The following PRSS23 variants were observed in gnomAD, a reference collection of about 807,000 sequenced individuals.
The protein encoded by PRSS23 is serine protease 23, also known as protease, serine 23.
A neutral mutation model predicts 34.7 loss-of-function variants in PRSS23; 25 were observed. The observed-to-expected ratio is 0.72, with a 90% CI of 0.53 to 1.01. The LOEUF is 1.01. PRSS23 is among the 50% of genes least tolerant of loss of function. The pLI is 0.00. For synonymous variants in PRSS23, 176 were observed against 186.6 expected (o/e 0.94, Z 0.46); for missense variants, 445 against 475.6 (o/e 0.94, Z 0.60).
chr11:86,925,848 C>A (rs796596010), intron 2 of PRSS23, among the ~76,000 whole-genome samples: 1 of 152,090 alleles, frequency 6.6e-6, no homozygotes, highest in East Asian at 1.9e-4. Context: ...TCTTCAGTAA[C>A]GTTTTCATAG....
chr11:86,803,655 C>T (rs1948066203), intron 1 of PRSS23, among the ~76,000 whole-genome samples: 1 of 152,106 alleles, frequency 6.6e-6, no homozygotes, highest in Non-Finnish European at 1.5e-5. Flanking sequence ...GGTTGTTTCC[C>T]CCTCAGGCTT....
At chr11:86,818,293 T>C (rs1948227679) in intron 1 of PRSS23, among the ~76,000 whole-genome samples, 1 of 152,236 alleles carries the variant, frequency 6.6e-6, no homozygotes, top group African/African-American at 2.4e-5. Flanking sequence ...CTTTATGCTG[T>C]GCCACATCAT....
intron 2 of PRSS23, among the ~76,000 whole-genome samples, chr11:86,916,226 T>G (rs188803611): frequency 6.6e-6 from 1 of 152,280 alleles, no homozygotes; most frequent in South Asian, 2.1e-4. Flanking sequence ...TTTGGTTTTC[T>G]TTTTACAAAA....
intron 1 of PRSS23, among the ~76,000 whole-genome samples, chr11:86,817,736 C>T (rs1388144538): frequency 1.3e-5 from 2 of 152,218 alleles, no homozygotes; most frequent in African/African-American, 4.8e-5. Flanking sequence ...ATGAAACCAA[C>T]AAGCATGTAT....
chr11:86,940,490 C>G (rs1200693652), intron 2 of PRSS23, among the ~76,000 whole-genome samples: 1 of 152,152 alleles, frequency 6.6e-6, no homozygotes, highest in Non-Finnish European at 1.5e-5. Flanking sequence ...GTTTCTCATC[C>G]AAACCGGTCT....
At chr11:86,879,073 GCCGC>G in intron 2 of PRSS23, among the ~76,000 whole-genome samples, 1 of 142,198 alleles carries the variant, frequency 7.0e-6, no homozygotes, top group South Asian at 2.3e-4. Context: ...TCTCTGCCCG[GCCGC>G]CATCCCGTCT....
intron 2 of PRSS23, among the ~76,000 whole-genome samples, chr11:86,931,733 C>T (rs1949127050): frequency 6.6e-6 from 1 of 152,086 alleles, no homozygotes; most frequent in Non-Finnish European, 1.5e-5. Context: ...TCTCAAGCTC[C>T]GGAGCTCAAG....
intron 1 of PRSS23, 80 bp from the exon 2 acceptor site, chr11:86,807,551 C>T: frequency 1.6e-6 from 2 of 1,284,586 alleles, no homozygotes; most frequent in Non-Finnish European, 2.2e-6. Flanking sequence ...CAATGACAGG[C>T]CTGCTGCTGA....
chr11:86,939,401 AAAATATATAT>A (rs1421894847), intron 2 of PRSS23, among the ~76,000 whole-genome samples: 96 of 56,850 alleles, frequency 1.7e-3, no homozygotes, highest in African/African-American at 4.2e-3. Context: ...GTTAAAAAAA[AAAATATATAT>A]ATATATATAT....
exon 3 of PRSS23, chr11:86,952,402 G>A (rs149547681): frequency 9.3e-6 from 15 of 1,614,074 alleles, no homozygotes; most frequent in African/African-American, 5.3e-5. Context: ...GACACATGCC[G>A]CCGCATGGGC....
At chr11:86,837,072 A>G (rs1397410199) in intron 2 of PRSS23, 2 of 152,236 alleles carry the variant, frequency 1.3e-5, no homozygotes, top group African/African-American at 4.8e-5. Context: ...AGAATGTTCC[A>G]AGAACCAGAT....
intron 2 of PRSS23, among the ~76,000 whole-genome samples, chr11:86,930,176 G>T (rs1949114498): frequency 9.3e-6 from 1 of 107,106 alleles, no homozygotes; most frequent in Non-Finnish European, 2.2e-5. Context: ...CTGATATCAA[G>T]AAGTTCCTTT....
At chr11:86,812,760 C>T (rs1475586449), downstream of PRSS23, among the ~76,000 whole-genome samples, 1 of 146,344 alleles carries the variant, frequency 6.8e-6, no homozygotes, top group South Asian at 2.2e-4. Context: ...TGCACTCCAG[C>T]CTAGGCAACA....
chr11:86,938,615 T>C (rs1949180264), intron 2 of PRSS23, among the ~76,000 whole-genome samples: 1 of 152,030 alleles, frequency 6.6e-6, no homozygotes, highest in Admixed American at 6.5e-5. Flanking sequence ...TGGATATCAC[T>C]CTGAGGGGTT....
At chr11:86,951,918 T>G in exon 3 of PRSS23, 2 of 1,613,938 alleles carry the variant, frequency 1.2e-6, no homozygotes, top group Non-Finnish European at 1.7e-6. Context: ...TCACAGGATA[T>G]CCTTTCCCGG....
chr11:86,812,652 G>A (rs1008073850), downstream of PRSS23, among the ~76,000 whole-genome samples: 15 of 152,058 alleles, frequency 9.9e-5, no homozygotes, highest in Non-Finnish European at 1.9e-4. Context: ...GCCGGGCATG[G>A]TGGCGCATGC....
intron 2 of PRSS23, among the ~76,000 whole-genome samples, chr11:86,880,000 G>A (rs1948761924): frequency 6.6e-6 from 1 of 152,174 alleles, no homozygotes; most frequent in African/African-American, 2.4e-5. Flanking sequence ...TTGTGGAATA[G>A]AAAGGGGAGA....
intron 2 of PRSS23, chr11:86,921,201 C>G (rs1949045261): frequency 6.6e-6 from 1 of 152,186 alleles, no homozygotes; most frequent in South Asian, 2.1e-4. Context: ...GAAATCCAGT[C>G]TTAGCAACTA....
At position 86,823,250 on chromosome 11, in the gene PRSS23, A is replaced by C. The variant is rs755159739; in HGVS notation, c.-11-127A>C. ...TCCTAATCTGTAAAAGCATCATAAA[A>C]AAAAATGTATGATTAATCTCATTTT... On this transcript the variant is annotated intron_variant, in intron 1 of 2. Transcript: ENST00000533902. 22 of 619,658 alleles carry C rather than the reference A, an allele frequency of 3.6e-5. No homozygotes were observed. The Middle Eastern group carries it at 1.3e-3, about 36-fold the overall frequency. The allele number at this position is 619,658 out of a possible 1,614,324, so 38.4% of individuals were successfully genotyped here. A position where few individuals can be genotyped will look rare whatever the true frequency, so the allele number is the denominator to read the frequency against.
Sources: allele counts gnomAD v4.1 joint callset (sites outside exome capture counted in the v4.1 genomes callset), GRCh38; gene constraint gnomAD v4.1.1; transcripts MANE v1.5; gene names NCBI Gene and HGNC (gene_info 2026-07-23, HGNC 2026-07-21).